MIB1: variants seen among roughly 807,000 people sequenced by gnomAD.
MIB1 encodes the protein MIB E3 ubiquitin protein ligase 1.
Under a neutral mutation model 124.5 loss-of-function variants are expected in MIB1, and 278 were observed. That is an observed-to-expected ratio of 2.23 (90% CI 2.02 to 2.47). The LOEUF is 2.47. MIB1 is among the 30% of genes most tolerant of loss of function. The pLI, the probability that MIB1 is intolerant of heterozygous loss-of-function variation, is 0.00. For synonymous variants in MIB1, 446 were observed against 429.4 expected, an observed-to-expected ratio of 1.04 and a Z score of -0.48; for missense variants, 957 against 1,254.4, an observed-to-expected ratio of 0.76 and a Z score of 3.58.
intron 13 of MIB1, 148 bp from the exon 14 acceptor site, chr18:21,842,983 G>A: frequency 1.8e-6 from 1 of 548,832 alleles, no homozygotes; most frequent in Non-Finnish European, 3.1e-6. Context: ...AACAGCAACT[G>A]TTACCATATG....
At chr18:21,849,453 A>G (rs905363573) in intron 17 of MIB1, 65 bp downstream of exon 17, 1 of 965,970 alleles carries the variant, frequency 1.0e-6, no homozygotes, top group East Asian at 2.7e-5. Context: ...AATGATAAAT[A>G]AGATTTAATG....
At chr18:21,806,228 G>A (rs1366878658) in intron 10 of MIB1, among the ~76,000 whole-genome samples, 6 of 149,832 alleles carry the variant, frequency 4.0e-5, no homozygotes, top group Non-Finnish European at 3.0e-5. Flanking sequence ...TTTTGATACA[G>A]GGTCTTGCTC....
chr18:21,809,242 A>G (rs971711716), intron 10 of MIB1, among the ~76,000 whole-genome samples: 1 of 152,130 alleles, frequency 6.6e-6, no homozygotes. Flanking sequence ...ATAAACCTAT[A>G]ACTGGTAAGG....
intron 1 of MIB1, among the ~76,000 whole-genome samples, chr18:21,749,420 A>G (rs538016146): frequency 3.3e-5 from 5 of 152,066 alleles, no homozygotes; most frequent in Non-Finnish European, 5.9e-5. Context: ...CTTTTTTGTC[A>G]TTTTAAACAA....
chr18:21,719,880 T>C (rs1416670297), intron 1 of MIB1, among the ~76,000 whole-genome samples: 2 of 152,170 alleles, frequency 1.3e-5, no homozygotes, highest in African/African-American at 4.8e-5. Context: ...ATTGTTGTCA[T>C]TGATAAAAGT....
chr18:21,731,158 G>T (rs1409089250), intron 1 of MIB1, among the ~76,000 whole-genome samples: 1 of 152,118 alleles, frequency 6.6e-6, no homozygotes, highest in Non-Finnish European at 1.5e-5. Context: ...TGAATTGTAC[G>T]TACCTGAGTA....
intron 13 of MIB1, among the ~76,000 whole-genome samples, chr18:21,840,649 A>T (rs868447667): frequency 1.4e-5 from 1 of 71,318 alleles, no homozygotes; most frequent in Non-Finnish European, 3.3e-5. Flanking sequence ...ATATATATAT[A>T]TATATATATA....
At chr18:21,800,226 A>G (rs541703273) in intron 9 of MIB1, among the ~76,000 whole-genome samples, 3 of 152,092 alleles carry the variant, frequency 2.0e-5, no homozygotes, top group African/African-American at 7.2e-5. Context: ...AAAGACTAGT[A>G]TCCTTTTGGG....
chr18:21,832,150 T>C (rs1202143410), intron 12 of MIB1, among the ~76,000 whole-genome samples: 1 of 152,136 alleles, frequency 6.6e-6, no homozygotes, highest in Admixed American at 6.6e-5. Flanking sequence ...CACTGTCAAT[T>C]TCAGTTAATT....
chr18:21,844,024 C>A, intron 14 of MIB1, 68 bp from the exon 15 acceptor site: 1 of 1,500,154 alleles, frequency 6.7e-7, no homozygotes, highest in Non-Finnish European at 9.2e-7. Context: ...CTCACCATTA[C>A]TTTAGATATG....
At position 21,847,060 on chromosome 18, in the gene MIB1, A is replaced by G. The variant is rs745909581; in HGVS notation, c.2328A>G (p.Pro776=). 1.2e-6 allele frequency: 2 copies of G among 1,614,188 alleles called. No homozygotes were observed. The highest frequency in any genetic ancestry group is 1.7e-6 in the Non-Finnish European group (2 of 1,180,028). Reference sequence around the variant, plus strand: ...TTCGAAATAAGAAGGGTCAATCGCCACTTGATCTCTGTCCTGATCCGAATC... The same window carrying G: ...TTCGAAATAAGAAGGGTCAATCGCCGCTTGATCTCTGTCCTGATCCGAATC... The part of the protein sequence containing the change: ...LSIRNKKGQS[P]LDLCPDPNLC... The change falls in exon 16 of 21, where the codon CCA becomes CCG. Residue 776 remains proline, a synonymous_variant. Transcript: ENST00000261537.
intron 1 of MIB1, among the ~76,000 whole-genome samples, chr18:21,742,838 C>T (rs985129010): frequency 6.6e-6 from 1 of 152,140 alleles, no homozygotes; most frequent in Non-Finnish European, 1.5e-5. Flanking sequence ...GGAATGGGCT[C>T]ACAGTTATTA....
intron 20 of MIB1, among the ~76,000 whole-genome samples, chr18:21,859,258 T>A (rs1598646508): frequency 4.0e-5 from 6 of 151,724 alleles, no homozygotes; most frequent in Admixed American, 3.9e-4. Context: ...AATAAGAAAT[T>A]AGCTGGGTGT....
Position 21,765,853 on chromosome 18 carries a change from C to CA in MIB1, c.314dup (p.Asn105LysfsTer3), listed in dbSNP as rs1346608835. On this transcript the variant is annotated frameshift_variant, in exon 2 of 21. Coordinates refer to ENST00000261537, the MANE Select transcript of MIB1 (RefSeq NM_020774.4). LOFTEE classifies it high-confidence loss of function. ...ATTCGATGGAAGTGTGCAGAGTGTA[C>CA]AAATTATGATTTGTGCACAGTGTGT... 1 of 1,614,132 alleles carries CA rather than the reference C, an allele frequency of 6.2e-7. No individual in the cohort carries two copies. The highest frequency in any genetic ancestry group is 8.5e-7 in the Non-Finnish European group (1 of 1,179,990).
At chr18:21,790,429 A>G (rs1375423128) in intron 6 of MIB1, among the ~76,000 whole-genome samples, 1 of 152,234 alleles carries the variant, frequency 6.6e-6, no homozygotes, top group African/African-American at 2.4e-5. Context: ...GTTAAATTGA[A>G]TTAAGGTCTA....
At chr18:21,750,430 C>T (rs1365630980) in intron 1 of MIB1, among the ~76,000 whole-genome samples, 1 of 152,200 alleles carries the variant, frequency 6.6e-6, no homozygotes, top group Non-Finnish European at 1.5e-5. Context: ...CGGGTTCATG[C>T]CATTCTGCTG....
chr18:21,858,461 TAAACA>T, intron 19 of MIB1, 80 bp from the exon 20 acceptor site: 2 of 697,178 alleles, frequency 2.9e-6, no homozygotes, highest in East Asian at 2.8e-5. Context: ...ATGTTTTTAA[TAAACA>T]AAACAGTAAT....
rs558902346 is a variant in MIB1 at position 21,846,551 on chromosome 18, G to T, written c.2212-393G>T. Among the ~76,000 whole-genome samples, 3 of 152,224 alleles carry T rather than the reference G, an allele frequency of 2.0e-5. No homozygotes were observed. In the South Asian group the frequency reaches 6.2e-4, roughly 32 times the overall value. ...CTCCTGTCATTGTTTCAAGTTGGTT[G>T]CTAGCTGCTCCAGAGCCAAATTAAT... On this transcript the variant is annotated intron_variant, in intron 15 of 20. Coordinates refer to ENST00000261537, the MANE Select transcript of MIB1 (RefSeq NM_020774.4).
At chr18:21,764,806 T>G (rs569305346) in intron 1 of MIB1, among the ~76,000 whole-genome samples, 1 of 152,280 alleles carries the variant, frequency 6.6e-6, no homozygotes, top group Non-Finnish European at 1.5e-5. Context: ...AAACGACCTT[T>G]TCAAGGACAT....
Sources: allele counts gnomAD v4.1 joint callset (sites outside exome capture counted in the v4.1 genomes callset), GRCh38; gene constraint gnomAD v4.1.1; transcripts MANE v1.5; gene names NCBI Gene and HGNC (gene_info 2026-07-23, HGNC 2026-07-21).